Variants in PLEK2 observed in about 807,000 individuals in gnomAD.
PLEK2 encodes pleckstrin-2.
Under a neutral mutation model 43.8 loss-of-function variants are expected in PLEK2, and 29 were observed. That is an observed-to-expected ratio of 0.66 (90% CI 0.49 to 0.90). The LOEUF (loss-of-function observed/expected upper bound fraction) is 0.90. PLEK2 is among the 40% of genes least tolerant of loss of function. The pLI, the probability that PLEK2 is intolerant of heterozygous loss-of-function variation, is 0.00. For missense variants in PLEK2, 398 were observed against 448.1 expected (o/e 0.89, Z 1.01); for synonymous variants, 162 against 173.2 (o/e 0.94, Z 0.51).
At chr14:67,392,096 A>T (rs7159020) in intron 6 of PLEK2, among the ~76,000 whole-genome samples, 1 of 152,192 alleles carries the variant, frequency 6.6e-6, no homozygotes, top group Non-Finnish European at 1.5e-5. Context: ...TGTGTGTAGT[A>T]CATTTTTCCC....
At position 67,412,074 on chromosome 14, in the gene PLEK2, G is replaced by A; in HGVS notation, c.-15C>T. ...CCGTCCTCCATGTCGCCGCCCGCAC[G>A]CCAGGGCCACCCCAGGTGCGCCTTC... On this transcript the variant is annotated 5_prime_UTR_variant, in exon 1 of 9. Transcript: ENST00000216446. 1.3e-6 allele frequency: 2 copies of A among 1,534,944 alleles called. No individual in the cohort carries two copies.
At chr14:67,388,415 G>A in intron 7 of PLEK2, 113 bp from the exon 8 acceptor site, 1 of 719,618 alleles carries the variant, frequency 1.4e-6, no homozygotes, top group Admixed American at 1.9e-5. Context: ...ATTTGTAATA[G>A]AAGATGAAGC....
Position 67,412,113 on chromosome 14 carries a change from C to T in PLEK2, c.-54G>A. On this transcript the variant is annotated 5_prime_UTR_variant, in exon 1 of 9. Coordinates refer to ENST00000216446, the MANE Select transcript of PLEK2 (RefSeq NM_016445.3). Reference sequence around the variant, plus strand: ...AGGTGCGCCTTCCCCGCGCCTCGCGCTCCTCGGCACCCGCGCAGCCCGCGC... The same window carrying T: ...AGGTGCGCCTTCCCCGCGCCTCGCGTTCCTCGGCACCCGCGCAGCCCGCGC... 6.9e-7 allele frequency: 1 copy of T among 1,446,132 alleles called. No homozygotes were observed. 89.6% of individuals were successfully genotyped at this position (1,446,132 alleles called of 1,614,324 possible). A position where few individuals can be genotyped will look rare whatever the true frequency, so the allele number is the denominator to read the frequency against.
Position 67,392,681 on chromosome 14 carries a change from G to A in PLEK2, c.650C>T (p.Ser217Phe). 1 of 1,614,044 alleles carries A rather than the reference G, an allele frequency of 6.2e-7. No individual in the cohort carries two copies. Among genetic ancestry groups the A allele is most frequent in the Non-Finnish European group, 8.5e-7 (1 of 1,179,898 alleles). ...GDLAEQFLDDSTALYTFAESY... is the reference protein window; with the variant it reads ...GDLAEQFLDDFTALYTFAESY... ...ACTTACAAAAGTGTACAGGGCTGTG[G>A]AGTCATCCAGGAACTGCTCGGCCAG... Residue 217 changes from serine to phenylalanine, a missense_variant, in exon 5 of 9, where the codon TCC becomes TTC. Transcript: ENST00000216446.
Position 67,387,317 on chromosome 14 carries a change from C to T in PLEK2, c.*12G>A, listed in dbSNP as rs1260045545. The stretch of plus-strand genomic sequence containing the variant: ...GGTAGGAGGGAGGAATCCTGGTTCC[C>T]TCAGGTCCTTGTCATGTTAGCTTTT... On this transcript the variant is annotated 3_prime_UTR_variant, in exon 9 of 9. Coordinates refer to ENST00000216446, the MANE Select transcript of PLEK2 (RefSeq NM_016445.3). 2 of 1,606,666 alleles carry T rather than the reference C, an allele frequency of 1.2e-6. No homozygotes were observed. Among genetic ancestry groups the T allele is most frequent in the Admixed American group, 1.7e-5 (1 of 58,270 alleles).
At chr14:67,400,466 A>C (rs2086040479) in intron 1 of PLEK2, among the ~76,000 whole-genome samples, 1 of 152,210 alleles carries the variant, frequency 6.6e-6, no homozygotes, top group East Asian at 1.9e-4. Flanking sequence ...GGGGTTCTCT[A>C]CTGCTCTGCA....
chr14:67,401,610 C>G (rs1379427440), intron 1 of PLEK2, among the ~76,000 whole-genome samples: 1 of 152,144 alleles, frequency 6.6e-6, no homozygotes, highest in Non-Finnish European at 1.5e-5. Context: ...GAGGTGCCAT[C>G]TGCAAGCCAA....
At chr14:67,392,949 A>C in intron 4 of PLEK2, 100 bp from the exon 5 acceptor site, 2 of 1,054,996 alleles carry the variant, frequency 1.9e-6, no homozygotes, top group Non-Finnish European at 2.8e-6. Flanking sequence ...GGGCAGCCTC[A>C]GGGCTCTACG....
Position 67,393,168 on chromosome 14 carries a change from A to AG in PLEK2, c.462dup (p.Tyr155LeufsTer2). The stretch of plus-strand genomic sequence containing the variant: ...GGCTCACCGAGGAAGGTCTTTTTAT[A>AG]GGTGCTTCCCTGCTCCATGTTGGGG... On this transcript the variant is annotated frameshift_variant, in exon 4 of 9. Coordinates refer to ENST00000216446, the MANE Select transcript of PLEK2 (RefSeq NM_016445.3). LOFTEE classifies it high-confidence loss of function. 3 of 1,613,172 alleles carry AG rather than the reference A, an allele frequency of 1.9e-6. No individual in the cohort carries two copies. Among genetic ancestry groups the AG allele is most frequent in the Non-Finnish European group, 2.5e-6 (3 of 1,179,106 alleles).
chr14:67,395,270 G>A, intron 3 of PLEK2, 132 bp downstream of exon 3: 1 of 711,408 alleles, frequency 1.4e-6, no homozygotes, highest in South Asian at 1.8e-5. Context: ...AACAGCTGAA[G>A]GCCCTGAAGC....
chr14:67,405,171 T>A (rs1413986625), intron 1 of PLEK2, among the ~76,000 whole-genome samples: 1 of 140,156 alleles, frequency 7.1e-6, no homozygotes, highest in African/African-American at 2.7e-5. Flanking sequence ...AAGTGGAGGT[T>A]GCAGTGAGCC....
At chr14:67,388,176 G>A in intron 8 of PLEK2, 48 bp downstream of exon 8, 2 of 1,210,920 alleles carry the variant, frequency 1.7e-6, no homozygotes, top group Non-Finnish European at 2.5e-6. Flanking sequence ...TGAGGTGCAG[G>A]AGGGAGGCCC....
intron 6 of PLEK2, 120 bp from the exon 7 acceptor site, chr14:67,390,866 A>T (rs1566623348): frequency 7.7e-6 from 6 of 775,040 alleles, no homozygotes; most frequent in Admixed American, 1.7e-5. Flanking sequence ...ACTACATTCT[A>T]AAACCAGTCC....
chr14:67,397,637 C>G, intron 2 of PLEK2, 25 bp downstream of exon 2: 1 of 1,591,314 alleles, frequency 6.3e-7, no homozygotes. Context: ...CAGAGAGGAG[C>G]TGGACAGCAG....
intron 3 of PLEK2, 115 bp from the exon 4 acceptor site, chr14:67,393,356 T>C: frequency 1.3e-6 from 1 of 768,184 alleles, no homozygotes; most frequent in Non-Finnish European, 2.4e-6. Context: ...GTGACACACA[T>C]CACAAAGAAA....
At chr14:67,409,844 T>C (rs762231881) in intron 1 of PLEK2, among the ~76,000 whole-genome samples, 1 of 152,122 alleles carries the variant, frequency 6.6e-6, no homozygotes. Flanking sequence ...CCAGTGGACA[T>C]AGGGAATGCT....
chr14:67,407,386 G>T (rs2086085982), intron 1 of PLEK2, among the ~76,000 whole-genome samples: 1 of 151,850 alleles, frequency 6.6e-6, no homozygotes, highest in African/African-American at 2.4e-5. Context: ...CTCCTAAAAT[G>T]CTGGGATTAC....
Position 67,397,769 on chromosome 14 carries a change from C to A in PLEK2, c.100G>T (p.Val34Leu), listed in dbSNP as rs2086021175. The A allele has an allele frequency of 2.5e-6, 4 of 1,613,288 alleles. No individual in the cohort carries two copies. Among genetic ancestry groups the A allele is most frequent in the Non-Finnish European group, 3.4e-6 (4 of 1,179,676 alleles). ...RWFILRQNTL[V>L]YYKLEGGRRV... ...CGACCCCCCTCAAGCTTGTAGTACA[C>A]CAGCGTGTTCTGCCGAAGGATGAAC... The change falls in exon 2 of 9, where the codon GTG (valine) becomes TTG (leucine). Residue 34 changes from valine (V) to leucine (L), a missense_variant. Transcript: ENST00000216446.
chr14:67,393,522 C>T (rs759625085), intron 3 of PLEK2, among the ~76,000 whole-genome samples: 4 of 152,078 alleles, frequency 2.6e-5, no homozygotes, highest in Non-Finnish European at 4.4e-5. Flanking sequence ...GGCAAGATCT[C>T]GGCTAACTGT....
Sources: allele counts gnomAD v4.1 joint callset (sites outside exome capture counted in the v4.1 genomes callset), GRCh38; gene constraint gnomAD v4.1.1; transcripts MANE v1.5; gene names NCBI Gene and HGNC (gene_info 2026-07-23, HGNC 2026-07-21).